Variants in POC1B observed in about 807,000 individuals in gnomAD.
POC1B encodes POC1 centriolar protein homolog B.
Under a neutral mutation model 60.6 loss-of-function variants are expected in POC1B, and 44 were observed. That is an observed-to-expected ratio of 0.73 (90% CI 0.57 to 0.93). The LOEUF (loss-of-function observed/expected upper bound fraction) is 0.93, where lower values mean the gene tolerates loss of function less well. Among genes scored for constraint, POC1B ranks in the 40% least tolerant of loss-of-function variants. POC1B has a pLI of 0.00. For synonymous variants in POC1B, 180 were observed against 198.9 expected, an observed-to-expected ratio of 0.90 and a Z score of 0.80; for missense variants, 555 against 572.3, an observed-to-expected ratio of 0.97 and a Z score of 0.31.
Position 89,450,496 on chromosome 12 carries a change from G to A in POC1B, c.1113+9142C>T, listed in dbSNP as rs114717867. 5.1e-3 allele frequency among the ~76,000 whole-genome samples: 781 copies of A among 152,164 alleles called. 10 individuals carry two copies. The highest frequency in any genetic ancestry group is 0.018 in the African/African-American group (732 of 41,512). Reference sequence around the variant, plus strand: ...GTTGGGATTACAGGTGTGAGCCACCGCGCCCTGCCCAAGGTCAATCTTCTT... The same window carrying A: ...GTTGGGATTACAGGTGTGAGCCACCACGCCCTGCCCAAGGTCAATCTTCTT... On this transcript the variant is annotated intron_variant, in intron 10 of 11. Coordinates refer to ENST00000313546, the MANE Select transcript of POC1B (RefSeq NM_172240.3).
At chr12:89,461,357 C>T (rs994532110) in intron 9 of POC1B, 7 of 152,042 alleles carry the variant, frequency 4.6e-5, no homozygotes, top group Admixed American at 2.0e-4. Flanking sequence ...TTCTTCATGG[C>T]ATAGTGGAAG....
At chr12:89,408,119 C>T in the POC1B span, among the ~76,000 whole-genome samples, 3 of 152,118 alleles carry the variant, frequency 2.0e-5, no homozygotes, top group African/African-American at 7.2e-5. Context: ...CATCCATGTC[C>T]CTCCAAAGAC....
intron 4 of POC1B, chr12:89,485,271 CTGG>C (rs569082271): frequency 9.9e-4 from 151 of 152,336 alleles, no homozygotes; most frequent in African/African-American, 3.5e-3. Context: ...ACAAAACACT[CTGG>C]GAGGCTGGGC....
At chr12:89,465,345 C>T (rs1882646667) in intron 9 of POC1B, among the ~76,000 whole-genome samples, 1 of 152,096 alleles carries the variant, frequency 6.6e-6, no homozygotes, top group South Asian at 2.1e-4. Context: ...GGAAATAGCA[C>T]CTAATTCACG....
chr12:89,413,084 A>G, the POC1B span, among the ~76,000 whole-genome samples: 3 of 152,264 alleles, frequency 2.0e-5, no homozygotes, highest in Non-Finnish European at 2.9e-5. Flanking sequence ...CTTTTAGTAG[A>G]GACCTGGTTT....
At chr12:89,418,294 G>A (rs956446061), downstream of POC1B, among the ~76,000 whole-genome samples, 1 of 152,184 alleles carries the variant, frequency 6.6e-6, no homozygotes, top group African/African-American at 2.4e-5. Flanking sequence ...CAAAGAGGCC[G>A]CTATGGCCAG....
At chr12:89,459,496 T>C (rs1029107427) in intron 10 of POC1B, 142 bp downstream of exon 10, 3 of 383,696 alleles carry the variant, frequency 7.8e-6, no homozygotes, top group African/African-American at 4.3e-5. Flanking sequence ...AATATGACTA[T>C]AAAGTTTTTC....
At chr12:89,405,922 G>T in the POC1B span, among the ~76,000 whole-genome samples, 1 of 150,720 alleles carries the variant, frequency 6.6e-6, no homozygotes, top group African/African-American at 2.4e-5. Flanking sequence ...CTGTGCCACT[G>T]CACTCCCACC....
At chr12:89,480,229 C>A (rs1463000692) in intron 4 of POC1B, among the ~76,000 whole-genome samples, 1 of 151,918 alleles carries the variant, frequency 6.6e-6, no homozygotes, top group Non-Finnish European at 1.5e-5. Flanking sequence ...ATAGGCCTCC[C>A]AGGCTCAGGT....
rs1333988178 is a variant in POC1B, at chr12:89,421,224, T to A, written c.1366A>T (p.Thr456Ser). 3 of 1,601,146 alleles carry A rather than the reference T, an allele frequency of 1.9e-6. No individual in the cohort carries two copies. The highest frequency in any genetic ancestry group is 2.6e-6 in the Non-Finnish European group (3 of 1,170,238). The change falls in exon 12 of 12, where the codon ACA becomes TCA. Residue 456 changes from threonine (T) to serine (S), a missense_variant. Transcript: ENST00000313546. Reference sequence around the variant, plus strand: ...AGGCAGTCTTTCAGCTTATCCTCTGTCAAAGTCAGTCGCTGCTCCAAGATT... The same window carrying A: ...AGGCAGTCTTTCAGCTTATCCTCTGACAAAGTCAGTCGCTGCTCCAAGATT... Reference protein sequence around the residue: ...VSILEQRLTLTEDKLKDCLEN... With the variant: ...VSILEQRLTLSEDKLKDCLEN...
chr12:89,459,427 A>G (rs1882387991), intron 10 of POC1B, among the ~76,000 whole-genome samples: 1 of 136,568 alleles, frequency 7.3e-6, no homozygotes, highest in Non-Finnish European at 1.6e-5. Flanking sequence ...AAAAAAAAAA[A>G]GCTTTCCTGG....
At chr12:89,432,582 A>G (rs1046879863) in intron 10 of POC1B, among the ~76,000 whole-genome samples, 1 of 152,232 alleles carries the variant, frequency 6.6e-6, no homozygotes, top group East Asian at 1.9e-4. Flanking sequence ...TGGGTGAAGG[A>G]GAAAAGTAAA....
At chr12:89,519,437 T>C (rs1242497585) in intron 2 of POC1B, 1 of 152,220 alleles carries the variant, frequency 6.6e-6, no homozygotes, top group Non-Finnish European at 1.5e-5. Context: ...AGGCACACTT[T>C]TTATTTTACA....
At chr12:89,471,550 G>A in intron 6 of POC1B, 64 bp downstream of exon 6, 1 of 1,295,816 alleles carries the variant, frequency 7.7e-7, no homozygotes, top group South Asian at 1.2e-5. Context: ...CACCAACAAG[G>A]AGAATCAGTC....
chr12:89,423,261 T>C (rs1454211003), intron 11 of POC1B, among the ~76,000 whole-genome samples: 1 of 151,842 alleles, frequency 6.6e-6, no homozygotes, highest in Non-Finnish European at 1.5e-5. Context: ...AGCCCAGGAG[T>C]TTTAGACGAG....
chr12:89,522,177 C>T, intron 2 of POC1B: 1 of 398,796 alleles, frequency 2.5e-6, no homozygotes, highest in Non-Finnish European at 4.4e-6. Flanking sequence ...AATATCTCCC[C>T]ATTTCATTTA....
chr12:89,474,806 TA>T (rs1157778772), intron 4 of POC1B, among the ~76,000 whole-genome samples: 2 of 152,228 alleles, frequency 1.3e-5, no homozygotes, highest in Non-Finnish European at 2.9e-5. Flanking sequence ...CAGAAGGTTC[TA>T]AAGTGGAGAG....
At chr12:89,472,139 A>G in intron 5 of POC1B, 29 bp downstream of exon 5, 1 of 1,377,584 alleles carries the variant, frequency 7.3e-7, no homozygotes, top group Non-Finnish European at 1.0e-6. Context: ...AAACTAACCC[A>G]CATAAATGCA....
At chr12:89,501,656 C>A (rs932377453) in intron 2 of POC1B, 6 of 1,132,778 alleles carry the variant, frequency 5.3e-6, no homozygotes, top group Admixed American at 3.9e-5. Context: ...TCAACTGTCA[C>A]GAGAAGTCGA....
Sources: allele counts gnomAD v4.1 joint callset (sites outside exome capture counted in the v4.1 genomes callset), GRCh38; gene constraint gnomAD v4.1.1; transcripts MANE v1.5; gene names NCBI Gene and HGNC (gene_info 2026-07-23, HGNC 2026-07-21).